The following BCL2 variants were observed in gnomAD, a reference collection of about 807,000 sequenced individuals.
BCL2 encodes the protein BCL2 apoptosis regulator.
A neutral mutation model predicts 14.2 loss-of-function variants in BCL2; 1 was observed. The ratio of observed to expected loss-of-function variants is 0.07; its 90% CI spans 0.02 to 0.33. The LOEUF (loss-of-function observed/expected upper bound fraction) is 0.33. Ranked by LOEUF, BCL2 falls within the 10% of genes least tolerant of loss-of-function variation. BCL2 has a pLI of 0.99. For missense variants in BCL2, 247 were observed against 305.9 expected, an observed-to-expected ratio of 0.81 and a Z score of 1.44; for synonymous variants, 151 against 137.2, an observed-to-expected ratio of 1.10 and a Z score of -0.70.
At chr18:63,194,610 C>T (rs188672397) in intron 2 of BCL2, among the ~76,000 whole-genome samples, 58 of 152,250 alleles carry the variant, frequency 3.8e-4, no homozygotes, top group African/African-American at 1.3e-3. Context: ...GAGGTTGGCA[C>T]ATCTCACATA....
chr18:63,178,633 G>A (rs1009743911), intron 2 of BCL2, among the ~76,000 whole-genome samples: 6 of 152,122 alleles, frequency 3.9e-5, no homozygotes, highest in Non-Finnish European at 5.9e-5. Flanking sequence ...CCTTTGAGGA[G>A]CCCCAGACTC....
intron 2 of BCL2, among the ~76,000 whole-genome samples, chr18:63,305,468 G>A (rs1375806041): frequency 6.6e-6 from 1 of 152,168 alleles, no homozygotes; most frequent in East Asian, 1.9e-4. Context: ...CTAACAGTGT[G>A]TGTGGGGAGG....
At chr18:63,210,725 T>C (rs763602851) in intron 2 of BCL2, among the ~76,000 whole-genome samples, 2 of 152,178 alleles carry the variant, frequency 1.3e-5, no homozygotes, top group African/African-American at 4.8e-5. Context: ...TTCCTTTCAG[T>C]TCTTTTTTTT....
chr18:63,131,739 T>G (rs1266087045), intron 2 of BCL2, among the ~76,000 whole-genome samples: 1 of 152,142 alleles, frequency 6.6e-6, no homozygotes. Flanking sequence ...CTGAATCCCT[T>G]TAGTAATCAA....
chr18:63,149,656 C>T lies in BCL2; in HGVS notation c.586-20897G>A, dbSNP rs991209423. On this transcript the variant is annotated intron_variant, in intron 2 of 2. Coordinates refer to ENST00000333681, the MANE Select transcript of BCL2 (RefSeq NM_000633.3). This position sits in a 1 kb window ranked among gnomAD's most constrained non-coding sequence, Gnocchi z 4.2. ...TTTCAAACTCTTTGCTTGATGTAAT[C>T]GCCAATTTTCATTTCAGGCCTGAAA... 1.3e-5 allele frequency among the ~76,000 whole-genome samples: 2 copies of T among 152,104 alleles called. No individual in the cohort carries two copies. The highest frequency in any genetic ancestry group is 4.8e-5 in the African/African-American group (2 of 41,394).
At chr18:63,197,096 T>C (rs573544666) in intron 2 of BCL2, among the ~76,000 whole-genome samples, 1 of 152,328 alleles carries the variant, frequency 6.6e-6, no homozygotes, top group East Asian at 1.9e-4. Context: ...GAGAAAATAA[T>C]GTTTTCCCGA....
chr18:63,319,070 A>C, intron 1 of BCL2, 104 bp downstream of exon 1: 2 of 1,077,450 alleles, frequency 1.9e-6, no homozygotes, highest in Non-Finnish European at 1.1e-6. Flanking sequence ...AGAATGTATT[A>C]AGCTGCCTGG....
chr18:63,138,274 A>G (rs1360759887), intron 2 of BCL2, among the ~76,000 whole-genome samples: 1 of 152,218 alleles, frequency 6.6e-6, no homozygotes, highest in Non-Finnish European at 1.5e-5. Context: ...TGAATAAAGC[A>G]GCTGGTGAGG....
At chr18:63,275,231 T>C (rs1022518503) in intron 2 of BCL2, among the ~76,000 whole-genome samples, 2 of 140,990 alleles carry the variant, frequency 1.4e-5, no homozygotes, top group South Asian at 2.1e-4. Flanking sequence ...TCAGACCCTG[T>C]CTCAAAAAAA....
intron 2 of BCL2, among the ~76,000 whole-genome samples, chr18:63,161,038 AT>A (rs1263124394): frequency 6.6e-6 from 1 of 152,148 alleles, no homozygotes; most frequent in Middle Eastern, 3.4e-3. Context: ...GGAGTTTTTA[AT>A]TTTTTTTAAA....
chr18:63,289,744 A>G (rs1482947834), intron 2 of BCL2, among the ~76,000 whole-genome samples: 1 of 152,068 alleles, frequency 6.6e-6, no homozygotes, highest in African/African-American at 2.4e-5. Flanking sequence ...AAATACAAAA[A>G]TTAGCCAGGC....
chr18:63,175,297 A>G (rs1915327214), intron 2 of BCL2, among the ~76,000 whole-genome samples: 1 of 152,262 alleles, frequency 6.6e-6, no homozygotes, highest in Admixed American at 6.5e-5. Flanking sequence ...ATGAAACATA[A>G]TTTAAGTTAG....
At chr18:63,302,904 T>C in intron 2 of BCL2, 1 of 984,064 alleles carries the variant, frequency 1.0e-6, no homozygotes, top group Non-Finnish European at 1.2e-6. Context: ...GTATCCAAAT[T>C]AAACTGAGGG....
rs2144578930 is a variant in BCL2, at chr18:63,123,354, C to T, written c.*5271G>A. ...ACAATTCCAGGCACAACCAGTATCT[C>T]ACACTGTACTTTATTTTTCTTCACA... is the stretch of plus-strand genomic sequence containing the variant. On this transcript the variant is annotated 3_prime_UTR_variant, in exon 3 of 3. Coordinates refer to ENST00000333681, the MANE Select transcript of BCL2 (RefSeq NM_000633.3). 1 of 184,824 alleles carries T rather than the reference C, an allele frequency of 5.4e-6. No homozygotes were observed. Among genetic ancestry groups the T allele is most frequent in the South Asian group, 2.0e-4 (1 of 5,104 alleles). 11.4% of individuals were successfully genotyped at this position (184,824 alleles called of 1,614,324 possible). A position where few individuals can be genotyped will look rare whatever the true frequency, so the allele number is the denominator to read the frequency against.
chr18:63,213,003 A>C (rs1459114661), intron 2 of BCL2, among the ~76,000 whole-genome samples: 1 of 152,208 alleles, frequency 6.6e-6, no homozygotes, highest in Non-Finnish European at 1.5e-5. Flanking sequence ...CTTTCCCCTA[A>C]CTCATGTGTT....
intron 2 of BCL2, among the ~76,000 whole-genome samples, chr18:63,240,247 C>T (rs1910962339): frequency 6.6e-6 from 1 of 152,188 alleles, no homozygotes; most frequent in Non-Finnish European, 1.5e-5. Context: ...CCTTGGCCTC[C>T]CAAAGTGCTG....
intron 2 of BCL2, among the ~76,000 whole-genome samples, chr18:63,132,349 T>C (rs1163016432): frequency 2.0e-5 from 3 of 152,240 alleles, no homozygotes; most frequent in Non-Finnish European, 4.4e-5. Context: ...GTCTGTCCTC[T>C]TGCAGACCTG....
chr18:63,282,774 G>T (rs1912352375), intron 2 of BCL2, among the ~76,000 whole-genome samples: 1 of 152,068 alleles, frequency 6.6e-6, no homozygotes, highest in African/African-American at 2.4e-5. Flanking sequence ...TTAATAAATA[G>T]CAGTAAATAT....
intron 2 of BCL2, among the ~76,000 whole-genome samples, chr18:63,275,048 G>T (rs1046412575): frequency 6.6e-6 from 1 of 151,892 alleles, no homozygotes; most frequent in South Asian, 2.1e-4. Flanking sequence ...GACCACTATG[G>T]TATACATATT....
Sources: gnomAD v4.1 joint callset for allele counts (sites outside exome capture counted in the v4.1 genomes callset) on GRCh38, gnomAD v4.1.1 for gene constraint, Gnocchi (gnomAD v3.1) non-coding constraint, MANE v1.5 for transcripts, NCBI Gene and HGNC (gene_info 2026-07-23, HGNC 2026-07-21) for gene names.